TOGARAM1: variants seen among roughly 807,000 people sequenced by gnomAD.
TOGARAM1 encodes the protein TOG array regulator of axonemal microtubules 1, also known as TOG array regulator of axonemal microtubules protein 1.
A neutral mutation model predicts 166.6 loss-of-function variants in TOGARAM1; 100 were observed. That is an observed-to-expected ratio of 0.60 (90% CI 0.51 to 0.71). TOGARAM1 has a LOEUF of 0.71. Among genes scored for constraint, TOGARAM1 ranks in the 30% least tolerant of loss-of-function variants. The pLI is 0.00. For synonymous variants in TOGARAM1, 758 were observed against 763.8 expected, an observed-to-expected ratio of 0.99 and a Z score of 0.13; for missense variants, 2,029 against 2,102.7, an observed-to-expected ratio of 0.96 and a Z score of 0.69.
At chr14:45,063,144 C>A (rs773211560) in intron 16 of TOGARAM1, among the ~76,000 whole-genome samples, 12 of 152,126 alleles carry the variant, frequency 7.9e-5, no homozygotes, top group Non-Finnish European at 1.5e-4. Flanking sequence ...ATCAAGGGCT[C>A]TTCCATGTTA....
intron 10 of TOGARAM1, among the ~76,000 whole-genome samples, chr14:45,028,894 A>G (rs902490185): frequency 6.6e-6 from 1 of 152,192 alleles, no homozygotes; most frequent in African/African-American, 2.4e-5. Flanking sequence ...ATTAAGAAAT[A>G]AACTGAAATA....
At chr14:45,060,566 A>C (rs751435477) in intron 16 of TOGARAM1, among the ~76,000 whole-genome samples, 1 of 152,142 alleles carries the variant, frequency 6.6e-6, no homozygotes, top group Non-Finnish European at 1.5e-5. Context: ...AAGAATTGGT[A>C]ATTTTTCTAC....
chr14:44,985,907 A>G (rs909644389), intron 1 of TOGARAM1, among the ~76,000 whole-genome samples: 2 of 152,344 alleles, frequency 1.3e-5, no homozygotes, highest in East Asian at 1.9e-4. Flanking sequence ...CATTAATTCA[A>G]TTTTAGTCCA....
At chr14:44,994,654 A>T (rs551264032) in intron 1 of TOGARAM1, among the ~76,000 whole-genome samples, 106 of 152,234 alleles carry the variant, frequency 7.0e-4, no homozygotes, top group African/African-American at 2.5e-3. Context: ...CCTGGGCCCA[A>T]GTGATCCACC....
intron 7 of TOGARAM1, 132 bp from the exon 8 acceptor site, chr14:45,025,651 G>A (rs1359049629): frequency 1.8e-5 from 10 of 556,892 alleles, no homozygotes; most frequent in African/African-American, 3.9e-5. Flanking sequence ...CTTAATGAAC[G>A]TGTGAATAAA....
chr14:45,045,573 A>G (rs1881973381), intron 13 of TOGARAM1, among the ~76,000 whole-genome samples: 2 of 39,408 alleles, frequency 5.1e-5, no homozygotes, highest in African/African-American at 2.6e-4. Flanking sequence ...ATATATATAT[A>G]TATATATATA....
At chr14:45,056,261 C>A (rs549336664) in intron 16 of TOGARAM1, among the ~76,000 whole-genome samples, 4 of 152,142 alleles carry the variant, frequency 2.6e-5, no homozygotes, top group Admixed American at 2.0e-4. Flanking sequence ...CTTATCAAAT[C>A]TAAGAGTCTT....
At chr14:45,050,254 T>C (rs1882295446) in intron 14 of TOGARAM1, among the ~76,000 whole-genome samples, 1 of 152,162 alleles carries the variant, frequency 6.6e-6, no homozygotes. Context: ...TTGAGATATG[T>C]GATCTTTTTC....
intron 13 of TOGARAM1, among the ~76,000 whole-genome samples, chr14:45,045,539 G>GTGTGTGTGTGTA (rs1258107478): frequency 0.011 from 128 of 12,000 alleles, 3 homozygotes; most frequent in African/African-American, 0.044. Flanking sequence ...CATGGTCTGT[G>GTGTGTGTGTGTA]TGTGTATATA....
Position 44,963,840 on chromosome 14 carries a change from T to C in TOGARAM1, c.1419T>C (p.Cys473=), listed in dbSNP as rs1885364592. 6.2e-7 allele frequency: 1 copy of C among 1,614,152 alleles called. No individual in the cohort carries two copies. The highest frequency in any genetic ancestry group is 8.5e-7 in the Non-Finnish European group (1 of 1,180,000). Residue 473 remains cysteine (C), a synonymous_variant, in exon 1 of 20, where the codon TGT becomes TGC. Coordinates refer to ENST00000361462, the MANE Select transcript of TOGARAM1 (RefSeq NM_001308120.2). The part of the protein sequence containing the change: ...MKEVGPQQVL[C]LLLEHLKHKH... ...AAGTAGGACCTCAGCAGGTGCTTTG[T>C]TTACTCCTGGAACATCTCAAACATA...
intron 8 of TOGARAM1, among the ~76,000 whole-genome samples, chr14:45,026,317 T>C (rs1880836330): frequency 6.6e-6 from 1 of 152,204 alleles, no homozygotes; most frequent in South Asian, 2.1e-4. Context: ...TTATTGCAAG[T>C]ATCCTTTAAA....
intron 1 of TOGARAM1, among the ~76,000 whole-genome samples, chr14:44,969,150 C>CCTTCCTTCCTTTCTTTCT (rs1566595745): frequency 6.9e-5 from 9 of 130,068 alleles, no homozygotes; most frequent in African/African-American, 2.9e-4. Flanking sequence ...TCCTTCCTTT[C>CCTTCCTTCCTTTCTTTCT]TTTCTTTCTT....
chr14:44,966,385 A>G (rs1885540999), intron 1 of TOGARAM1, among the ~76,000 whole-genome samples: 1 of 151,906 alleles, frequency 6.6e-6, no homozygotes, highest in African/African-American at 2.4e-5. Flanking sequence ...AGGCAAAAGA[A>G]TCACTTGAAC....
intron 1 of TOGARAM1, among the ~76,000 whole-genome samples, chr14:44,974,714 C>A (rs534879691): frequency 1.3e-5 from 2 of 150,966 alleles, no homozygotes; most frequent in East Asian, 4.0e-4. Context: ...CATAAAATAT[C>A]TTAGCATTTT....
At chr14:45,045,687 A>G in intron 13 of TOGARAM1, among the ~76,000 whole-genome samples, 1 of 102,268 alleles carries the variant, frequency 9.8e-6, no homozygotes, top group Non-Finnish European at 1.8e-5. Context: ...ATATACACAT[A>G]TATACACATA....
chr14:44,962,993 A>G lies in TOGARAM1; in HGVS notation c.572A>G (p.Glu191Gly), dbSNP rs1178634087. 6.2e-7 allele frequency: 1 copy of G among 1,614,200 alleles called. No homozygotes were observed. The highest frequency in any genetic ancestry group is 1.7e-5 in the Admixed American group (1 of 60,020). Residue 191 changes from glutamate (E) to glycine (G), a missense_variant, in exon 1 of 20, where the codon GAG (glutamate) becomes GGG (glycine). Physicochemically the swap from Glu to Gly is moderately conservative, Grantham distance 98. Coordinates refer to ENST00000361462, the MANE Select transcript of TOGARAM1 (RefSeq NM_001308120.2). Reference protein sequence around the residue: ...LPQLVVSLREENPALRKDALQ... With the variant: ...LPQLVVSLREGNPALRKDALQ... ...CAACTAGTTGTCTCGTTACGGGAAG[A>G]GAATCCAGCCCTGCGGAAAGATGCG...
chr14:44,968,604 A>G (rs561721901), intron 1 of TOGARAM1, among the ~76,000 whole-genome samples: 52 of 152,174 alleles, frequency 3.4e-4, no homozygotes, highest in Non-Finnish European at 6.0e-4. Context: ...CAGAGAGTAC[A>G]GATAGTTCCC....
At chr14:45,073,258 T>C in intron 19 of TOGARAM1, 38 bp from the exon 20 acceptor site, 1 of 1,566,752 alleles carries the variant, frequency 6.4e-7, no homozygotes, top group African/African-American at 1.4e-5. Flanking sequence ...GCTTATTTAT[T>C]AAGAAAAAAC....
rs766719339 is a variant in TOGARAM1 at position 44,963,099 on chromosome 14, C to A, written c.678C>A (p.Thr226=). Reference sequence around the variant, plus strand: ...TTATACAACAAGGACTGGAAAGTACCGATGCCCGACTTAGAGCTTCCACAG... The same window carrying A: ...TTATACAACAAGGACTGGAAAGTACAGATGCCCGACTTAGAGCTTCCACAG... ...RTLIQQGLES[T]DARLRASTAL... The change falls in exon 1 of 20, where the codon ACC becomes ACA. Residue 226 remains threonine, a synonymous_variant. Coordinates refer to ENST00000361462, the MANE Select transcript of TOGARAM1 (RefSeq NM_001308120.2). The A allele has an allele frequency of 1.2e-6, 2 of 1,614,004 alleles. No individual in the cohort carries two copies. The highest frequency in any genetic ancestry group is 2.7e-5 in the African/African-American group (2 of 74,878).
Sources: allele counts gnomAD v4.1 joint callset (sites outside exome capture counted in the v4.1 genomes callset), GRCh38; gene constraint gnomAD v4.1.1; transcripts MANE v1.5; gene names NCBI Gene and HGNC (gene_info 2026-07-23, HGNC 2026-07-21).